ABR: variants seen among roughly 807,000 people sequenced by gnomAD.
ABR encodes the protein active breakpoint cluster region-related protein.
A neutral mutation model predicts 107.2 loss-of-function variants in ABR; 35 were observed. The ratio of observed to expected loss-of-function variants is 0.33; its 90% CI spans 0.25 to 0.43. The LOEUF is 0.43. Ranked by LOEUF, ABR falls within the 20% of genes least tolerant of loss-of-function variation. The pLI is 1.00. For synonymous variants in ABR, 498 were observed against 462.0 expected, an observed-to-expected ratio of 1.08 and a Z score of -1.00; for missense variants, 815 against 1,115.2, an observed-to-expected ratio of 0.73 and a Z score of 3.83.
intron 16 of ABR, chr17:1,031,802 T>A: frequency 8.7e-7 from 1 of 1,145,472 alleles, no homozygotes; most frequent in African/African-American, 1.6e-5. Flanking sequence ...CAGTCCCGGC[T>A]GCCAGTCCCG....
At chr17:1,143,048 G>GA (rs2040364020) in intron 1 of ABR, among the ~76,000 whole-genome samples, 1 of 96,674 alleles carries the variant, frequency 1.0e-5, no homozygotes. Flanking sequence ...TTCCTGGGGG[G>GA]CAGCTCGCTC....
Position 1,011,072 on chromosome 17 carries a change from C to A in ABR, c.2102-209G>T. On this transcript the variant is annotated intron_variant, in intron 19 of 22. Transcript: ENST00000302538. The surrounding 1 kb of genome is among the most constrained non-coding windows in gnomAD (Gnocchi z 4.8). ...CAGGGAGAGATAGCCTGGGGGCCAT[C>A]TGCTGTGGCTGCTTGGGAAAGGGTG... 1.7e-6 allele frequency: 1 copy of A among 595,454 alleles called. No individual in the cohort carries two copies. The allele number at this position is 595,454 out of a possible 1,614,324, so 36.9% of individuals were successfully genotyped here.
At chr17:1,110,832 A>G (rs2038631454) in intron 2 of ABR, among the ~76,000 whole-genome samples, 1 of 152,114 alleles carries the variant, frequency 6.6e-6, no homozygotes, top group African/African-American at 2.4e-5. Flanking sequence ...GCACACCCCC[A>G]CCCCACCCAT....
chr17:1,162,849 G>A (rs2041358751), intron 1 of ABR, among the ~76,000 whole-genome samples: 1 of 152,034 alleles, frequency 6.6e-6, no homozygotes, highest in African/African-American at 2.4e-5. Context: ...TGAGGCAGGT[G>A]GATCACGAGG....
At chr17:1,082,083 C>T (rs963559275) in intron 5 of ABR, among the ~76,000 whole-genome samples, 8 of 152,092 alleles carry the variant, frequency 5.3e-5, no homozygotes, top group African/African-American at 7.2e-5. Context: ...AACTACCCTG[C>T]GTTTCCCCAA....
upstream of ABR, among the ~76,000 whole-genome samples, chr17:1,188,775 T>C (rs2042369463): frequency 6.6e-6 from 1 of 152,136 alleles, no homozygotes; most frequent in South Asian, 2.1e-4. Context: ...GCTTTGGATG[T>C]CCTTCCTACT....
chr17:1,198,349 C>A (rs1163348476), intron 1 of ABR, among the ~76,000 whole-genome samples: 3 of 151,544 alleles, frequency 2.0e-5, no homozygotes, highest in African/African-American at 7.3e-5. Flanking sequence ...ACTTTCAGGA[C>A]CAAAAAGGAA....
chr17:1,147,402 C>A (rs1236660905), intron 1 of ABR, among the ~76,000 whole-genome samples: 1 of 151,738 alleles, frequency 6.6e-6, no homozygotes, highest in African/African-American at 2.4e-5. Context: ...ACTCTGTCGC[C>A]CAGCCTGGAG....
rs867853607 is a variant in ABR, at chr17:1,031,102, C to T, written c.1792-17938G>A. The stretch of plus-strand genomic sequence containing the variant: ...CTGGGCCCACAGTCAGATGGGTGGT[C>T]CCTGAAGGGAAGCCTCGAGCCCCCA... On this transcript the variant is annotated intron_variant, in intron 16 of 22. Transcript: ENST00000302538. Among the ~76,000 whole-genome samples, 10 of 152,306 alleles carry T rather than the reference C, an allele frequency of 6.6e-5. No homozygotes were observed. In the Middle Eastern group the frequency reaches 0.017, roughly 259 times the overall value.
chr17:1,176,886 A>G (rs2041937106), intron 1 of ABR, among the ~76,000 whole-genome samples: 2 of 150,616 alleles, frequency 1.3e-5, no homozygotes, highest in African/African-American at 5.0e-5. Flanking sequence ...AAAAAAGAAA[A>G]AAGAAAGAAA....
At chr17:1,122,295 C>T (rs998823676) in intron 2 of ABR, among the ~76,000 whole-genome samples, 1 of 152,220 alleles carries the variant, frequency 6.6e-6, no homozygotes, top group Non-Finnish European at 1.5e-5. Flanking sequence ...TTTTCTAGGC[C>T]AACCTGACTA....
chr17:1,026,973 T>C (rs2072249446), intron 16 of ABR, among the ~76,000 whole-genome samples: 1 of 148,426 alleles, frequency 6.7e-6, no homozygotes, highest in Non-Finnish European at 1.5e-5. Context: ...CCTGCAGGCT[T>C]GGGGGCTCCT....
chr17:1,112,147 G>T (rs781641236), intron 2 of ABR, among the ~76,000 whole-genome samples: 1 of 152,230 alleles, frequency 6.6e-6, no homozygotes, highest in African/African-American at 2.4e-5. Context: ...GATCTTGTCT[G>T]TCCATCTGTC....
intron 16 of ABR, among the ~76,000 whole-genome samples, chr17:1,035,102 C>T (rs1328715055): frequency 6.6e-6 from 1 of 151,848 alleles, no homozygotes; most frequent in Admixed American, 6.6e-5. Flanking sequence ...CTGGGGACAG[C>T]GCAGACTTGC....
chr17:1,046,292 C>T (rs1443606218), intron 16 of ABR, among the ~76,000 whole-genome samples: 1 of 139,820 alleles, frequency 7.2e-6, no homozygotes, highest in Admixed American at 8.1e-5. Flanking sequence ...GCGTGGGCCC[C>T]ACACCCAGCT....
In ABR at chr17:1,150,033, C is replaced by T. The variant is rs1056033764; in HGVS notation, c.62-24666G>A. ...GTATAACGTTAGTGGCTGTTATTGT[C>T]GTCACTGACGTTGTCACTGCTGTTG... On this transcript the variant is annotated intron_variant, in intron 1 of 22. Coordinates refer to ENST00000302538, the MANE Select transcript of ABR (RefSeq NM_021962.5). The surrounding 1 kb of genome is among the most constrained non-coding windows in gnomAD (Gnocchi z 4.8). 5.9e-5 allele frequency among the ~76,000 whole-genome samples: 9 copies of T among 152,104 alleles called. No homozygotes were observed. The highest frequency in any genetic ancestry group is 2.2e-4 in the African/African-American group (9 of 41,402).
At chr17:1,137,321 C>T (rs1023660390) in intron 1 of ABR, among the ~76,000 whole-genome samples, 1 of 152,144 alleles carries the variant, frequency 6.6e-6, no homozygotes, top group African/African-American at 2.4e-5. Context: ...GGATTACAGG[C>T]GTGAGCCACC....
chr17:1,054,046 C>A (rs1474043199), intron 14 of ABR, among the ~76,000 whole-genome samples: 3 of 152,168 alleles, frequency 2.0e-5, no homozygotes, highest in Non-Finnish European at 2.9e-5. Flanking sequence ...GGCTCTGGTG[C>A]CGGAAGACGT....
chr17:1,055,690 C>T (rs1373477959), intron 14 of ABR: 8 of 210,712 alleles, frequency 3.8e-5, no homozygotes, highest in Admixed American at 2.0e-4. Context: ...GCCATGCCCA[C>T]GCTAATTTTA....
Sources: allele counts gnomAD v4.1 joint callset (sites outside exome capture counted in the v4.1 genomes callset), GRCh38; gene constraint gnomAD v4.1.1; non-coding constraint Gnocchi (gnomAD v3.1); transcripts MANE v1.5; gene names NCBI Gene and HGNC (gene_info 2026-07-23, HGNC 2026-07-21).